The following CSMD1 variants were observed in gnomAD, a reference collection of about 807,000 sequenced individuals.
CSMD1 encodes CUB and sushi domain-containing protein 1.
Under a neutral mutation model 417.5 loss-of-function variants are expected in CSMD1, and 213 were observed. The observed-to-expected ratio is 0.51, with a 90% CI of 0.46 to 0.57. The LOEUF is 0.57. CSMD1 is among the 20% of genes least tolerant of loss of function. The pLI, the probability that CSMD1 is intolerant of heterozygous loss-of-function variation, is 0.00. For missense variants in CSMD1, 6,923 were observed against 4,529.7 expected (o/e 1.53, Z -15.17); for synonymous variants, 2,862 against 1,736.8 (o/e 1.65, Z -16.11).
chr8:3,582,766 G>T lies in CSMD1; in HGVS notation c.1222+3370C>A, dbSNP rs113206264. On this transcript the variant is annotated intron_variant, in intron 9 of 69. Transcript: ENST00000635120. ...CTATATGTTAGCATGATACTATTTG[G>T]GAGTATTTGGGTTAAATAAAATGTT... is the stretch of plus-strand genomic sequence containing the variant. 6.0e-3 allele frequency among the ~76,000 whole-genome samples: 915 copies of T among 152,120 alleles called. 8 individuals carry two copies. Among genetic ancestry groups the T allele is most frequent in the African/African-American group, 0.021 (861 of 41,498 alleles).
At chr8:4,919,229 G>C (rs536398720) in intron 1 of CSMD1, among the ~76,000 whole-genome samples, 3 of 152,254 alleles carry the variant, frequency 2.0e-5, no homozygotes, top group East Asian at 1.9e-4. Context: ...TTTAGTCATA[G>C]CTACAATTCA....
chr8:4,753,072 A>G (rs1223608145), intron 1 of CSMD1, among the ~76,000 whole-genome samples: 1 of 152,142 alleles, frequency 6.6e-6, no homozygotes, highest in Non-Finnish European at 1.5e-5. Context: ...TTTAACCCTC[A>G]CACCATCCTT....
At chr8:3,874,796 C>G (rs550695842) in intron 5 of CSMD1, among the ~76,000 whole-genome samples, 1 of 152,080 alleles carries the variant, frequency 6.6e-6, no homozygotes, top group Non-Finnish European at 1.5e-5. Context: ...GAGATGCAGA[C>G]ATTAAATAGG....
At chr8:4,483,935 T>G (rs1206073752) in intron 2 of CSMD1, among the ~76,000 whole-genome samples, 1 of 152,210 alleles carries the variant, frequency 6.6e-6, no homozygotes, top group African/African-American at 2.4e-5. Context: ...CACTTTGTTG[T>G]ATAATGTCGT....
chr8:3,467,397 T>C (rs964133557), intron 12 of CSMD1, among the ~76,000 whole-genome samples: 2 of 152,156 alleles, frequency 1.3e-5, no homozygotes, highest in Non-Finnish European at 2.9e-5. Flanking sequence ...AAATATGATA[T>C]CTCCACCATA....
At chr8:4,082,194 A>G (rs1800174286) in intron 3 of CSMD1, among the ~76,000 whole-genome samples, 1 of 152,204 alleles carries the variant, frequency 6.6e-6, no homozygotes, top group African/African-American at 2.4e-5. Context: ...TATACTGTGA[A>G]TAAATTTTTC....
intron 2 of CSMD1, among the ~76,000 whole-genome samples, chr8:4,604,410 T>TCTGTGCGC (rs1554522696): frequency 6.8e-6 from 1 of 146,152 alleles, no homozygotes; most frequent in Non-Finnish European, 1.5e-5. Flanking sequence ...TGTGTGTGTG[T>TCTGTGCGC]GCGCGTGCGT....
At chr8:3,287,258 T>C (rs1054028855) in intron 25 of CSMD1, among the ~76,000 whole-genome samples, 6 of 151,332 alleles carry the variant, frequency 4.0e-5, no homozygotes, top group Admixed American at 1.3e-4. Flanking sequence ...TTTGTTCTTT[T>C]GGCTTAGGAT....
chr8:3,449,599 A>C (rs1037279386), intron 12 of CSMD1, among the ~76,000 whole-genome samples: 2 of 151,592 alleles, frequency 1.3e-5, no homozygotes, highest in Non-Finnish European at 2.9e-5. Flanking sequence ...CTCACTGCAA[A>C]CTCTGCCTCT....
At chr8:4,842,298 C>T (rs1283463257) in intron 1 of CSMD1, among the ~76,000 whole-genome samples, 2 of 152,144 alleles carry the variant, frequency 1.3e-5, no homozygotes, top group African/African-American at 4.8e-5. Context: ...TTTGGCCTTC[C>T]ATTGGAAAAA....
At chr8:3,295,298 T>G (rs1563238006) in intron 25 of CSMD1, among the ~76,000 whole-genome samples, 1 of 151,908 alleles carries the variant, frequency 6.6e-6, no homozygotes, top group Admixed American at 6.6e-5. Context: ...CTAATTTTTT[T>G]GTATTTTTTA....
intron 50 of CSMD1, among the ~76,000 whole-genome samples, chr8:3,030,153 A>G (rs950512934): frequency 3.9e-5 from 6 of 152,088 alleles, no homozygotes; most frequent in African/African-American, 1.2e-4. Flanking sequence ...CAATTGTAAT[A>G]GTGACAGCAA....
intron 2 of CSMD1, among the ~76,000 whole-genome samples, chr8:4,622,151 G>A (rs765937273): frequency 2.0e-5 from 3 of 148,538 alleles, no homozygotes; most frequent in Non-Finnish European, 4.4e-5. Context: ...AAGATTAAAC[G>A]CAAAGAGGGG....
chr8:4,167,192 G>C (rs188555283), intron 3 of CSMD1, among the ~76,000 whole-genome samples: 7 of 152,098 alleles, frequency 4.6e-5, no homozygotes, highest in East Asian at 1.9e-4. Context: ...ATTTTTTCCA[G>C]AGGGCCTGTA....
In CSMD1 at chr8:4,834,752, C is replaced by A. The variant is rs187111052; in HGVS notation, c.85+159580G>T. ...CGGGCGGATCACGACATCAGGAGAT[C>A]GAGACCATCCTGGCTAACACGGTGA... On this transcript the variant is annotated intron_variant, in intron 1 of 69. Coordinates refer to ENST00000635120, the MANE Select transcript of CSMD1 (RefSeq NM_033225.6). Among the ~76,000 whole-genome samples, 41 of 151,422 alleles carry A rather than the reference C, an allele frequency of 2.7e-4. No homozygotes were observed. The East Asian group carries it at 2.7e-3, about 10-fold the overall frequency.
In CSMD1 at chr8:3,796,292, A is replaced by ATAGATATCTATCATGTATACATG. The variant is rs372188356; in HGVS notation, c.819-42251_819-42250insCATGTATACATGATAGATATCTA. Among the ~76,000 whole-genome samples, 44 of 12,396 alleles carry ATAGATATCTATCATGTATACATG rather than the reference A, an allele frequency of 3.5e-3. 9 individuals are homozygous for ATAGATATCTATCATGTATACATG. The East Asian group carries it at 0.061, about 17-fold the overall frequency. The allele number at this position is 12,396 out of a possible 152,430, so 8.1% of individuals were successfully genotyped here. On this transcript the variant is annotated intron_variant, in intron 5 of 69. Coordinates refer to ENST00000635120, the MANE Select transcript of CSMD1 (RefSeq NM_033225.6). ...AGATATATATCTATCATGTATAGAT[A>ATAGATATCTATCATGTATACATG]TATCTATCATGTATAGATATAGATA... is the stretch of plus-strand genomic sequence containing the variant.
At chr8:4,462,785 G>C (rs1187445140) in intron 2 of CSMD1, among the ~76,000 whole-genome samples, 2 of 150,090 alleles carry the variant, frequency 1.3e-5, no homozygotes, top group African/African-American at 5.1e-5. Context: ...ATCCACAAGA[G>C]GGTACCCCTT....
chr8:4,219,050 C>G (rs982345774), intron 3 of CSMD1, among the ~76,000 whole-genome samples: 1 of 152,134 alleles, frequency 6.6e-6, no homozygotes, highest in African/African-American at 2.4e-5. Flanking sequence ...AATGGTCATA[C>G]GTTAGAGGTA....
At chr8:4,790,574 TTAAGC>T (rs1797636005) in intron 1 of CSMD1, among the ~76,000 whole-genome samples, 1 of 152,144 alleles carries the variant, frequency 6.6e-6, no homozygotes, top group South Asian at 2.1e-4. Flanking sequence ...CAGCCCGACT[TTAAGC>T]TATACAACCA....
Sources: allele counts gnomAD v4.1 joint callset (sites outside exome capture counted in the v4.1 genomes callset), GRCh38; gene constraint gnomAD v4.1.1; transcripts MANE v1.5; gene names NCBI Gene and HGNC (gene_info 2026-07-23, HGNC 2026-07-21).